FBXO41: variants seen among roughly 807,000 people sequenced by gnomAD.
The protein encoded by FBXO41 is F-box protein 41.
A neutral mutation model predicts 81.6 loss-of-function variants in FBXO41; 33 were observed. That is an observed-to-expected ratio of 0.40 (90% confidence interval 0.31 to 0.54). The LOEUF (loss-of-function observed/expected upper bound fraction) is 0.54, where lower values mean the gene tolerates loss of function less well. Among genes scored for constraint, FBXO41 ranks in the 20% least tolerant of loss-of-function variants. FBXO41 has a pLI of 0.39. For synonymous variants in FBXO41, 576 were observed against 552.7 expected, an observed-to-expected ratio of 1.04 and a Z score of -0.59; for missense variants, 1,107 against 1,236.0, an observed-to-expected ratio of 0.90 and a Z score of 1.56.
chr2:73,270,692 C>T, intron 1 of FBXO41: 1 of 443,070 alleles, frequency 2.3e-6, no homozygotes, highest in Non-Finnish European at 4.6e-6. Flanking sequence ...CCCCTTTTGG[C>T]ACAAGGTCCC....
chr2:73,265,901 C>T lies in FBXO41; in HGVS notation c.1197G>A (p.Pro399=), dbSNP rs563919305. Reference sequence around the variant, plus strand: ...CTGGGCCCAAGGCTTACCCTGTGCTCGGAGAGGAGCCATGCCGTGACACTG... The same window carrying T: ...CTGGGCCCAAGGCTTACCCTGTGCTTGGAGAGGAGCCATGCCGTGACACTG... ...TYAVSRHGSS[P]STGASSRVPA... Residue 399 remains proline, a synonymous_variant, in exon 4 of 13, where the codon CCG becomes CCA. Coordinates refer to ENST00000520530, the MANE Select transcript of FBXO41 (RefSeq NM_001371389.2). The T allele has an allele frequency of 1.8e-5, 29 of 1,584,980 alleles. No individual in the cohort carries two copies. The Admixed American group carries it at 2.0e-4, about 11-fold the overall frequency.
At chr2:73,264,086 AG>A in intron 6 of FBXO41, 33 bp from the exon 7 acceptor site, 1 of 1,564,372 alleles carries the variant, frequency 6.4e-7, no homozygotes, top group South Asian at 1.2e-5. Context: ...TTGGAGATGA[AG>A]GGGTCTGAAC....
chr2:73,263,608 C>T, intron 8 of FBXO41, 70 bp downstream of exon 8: 2 of 1,577,278 alleles, frequency 1.3e-6, no homozygotes, highest in Non-Finnish European at 1.7e-6. Context: ...GGAGGCTATG[C>T]AGCACCTAGG....
intron 6 of FBXO41, 92 bp from the exon 7 acceptor site, chr2:73,264,145 A>G (rs1029880297): frequency 3.2e-6 from 5 of 1,553,552 alleles, no homozygotes; most frequent in Non-Finnish European, 4.4e-6. Flanking sequence ...GCCCCATGAG[A>G]GCATTTCAGG....
At chr2:73,264,553 G>C in intron 5 of FBXO41, 34 bp from the exon 6 acceptor site, 1 of 1,610,964 alleles carries the variant, frequency 6.2e-7, no homozygotes, top group Non-Finnish European at 8.5e-7. Context: ...AGTGAGCGTG[G>C]AGGGTCAAGG....
At chr2:73,274,328 A>G (rs911747264) in intron 1 of FBXO41, among the ~76,000 whole-genome samples, 5 of 152,206 alleles carry the variant, frequency 3.3e-5, no homozygotes, top group Admixed American at 6.5e-5. Context: ...CCTGTGCACT[A>G]CTTTGCTCAT....
intron 7 of FBXO41, 41 bp from the exon 8 acceptor site, chr2:73,263,871 C>T (rs1688119595): frequency 2.5e-6 from 4 of 1,613,930 alleles, no homozygotes; most frequent in Middle Eastern, 3.3e-4. Context: ...CAACCTCCTC[C>T]TCTGGGAAAC....
At chr2:73,271,625 C>CCCA (rs1012479393) in intron 1 of FBXO41, 1 of 132,298 alleles carries the variant, frequency 7.6e-6, no homozygotes, top group Non-Finnish European at 1.7e-5. Flanking sequence ...TTCTGCACTC[C>CCCA]CCCCCCCCCA....
intron 7 of FBXO41, 21 bp downstream of exon 7, chr2:73,263,917 C>G: frequency 6.2e-7 from 1 of 1,613,116 alleles, no homozygotes; most frequent in Non-Finnish European, 8.5e-7. Context: ...GCACCCACCA[C>G]CCACCCATCG....
At position 73,263,238 on chromosome 2, in the gene FBXO41, G is replaced by A; in HGVS notation, c.2146C>T (p.Leu716Phe). 6.4e-7 allele frequency: 1 copy of A among 1,557,464 alleles called. No homozygotes were observed. The highest frequency in any genetic ancestry group is 8.7e-7 in the Non-Finnish European group (1 of 1,150,274). ...LGAGCREIVS[L>F]QVAPLHPCQQ... ...CAGGGGTGAAGTGGTGCCACTTGGA[G>A]GGAGACGATCTCTCTGCAGCCTGCG... The change falls in exon 9 of 13, where the codon CTC becomes TTC. Residue 716 changes from leucine (L) to phenylalanine (F), a missense_variant. Around this residue, in one of 2 missense-constraint regions of FBXO41, gnomAD observed 336 missense variants for 446.7 expected, o/e 0.75. Coordinates refer to ENST00000520530, the MANE Select transcript of FBXO41 (RefSeq NM_001371389.2).
intron 1 of FBXO41, among the ~76,000 whole-genome samples, chr2:73,273,756 A>G (rs1688608296): frequency 6.6e-6 from 1 of 152,198 alleles, no homozygotes; most frequent in Non-Finnish European, 1.5e-5. Flanking sequence ...TTGACCATTG[A>G]GAAGGGCTGC....
Position 73,264,265 on chromosome 2 carries a change from C to T in FBXO41, c.1806+13G>A. 6.2e-7 allele frequency: 1 copy of T among 1,613,106 alleles called. No homozygotes were observed. The highest frequency in any genetic ancestry group is 1.7e-5 in the Admixed American group (1 of 60,020). On this transcript the variant is annotated intron_variant, in intron 6 of 12. Coordinates refer to ENST00000520530, the MANE Select transcript of FBXO41 (RefSeq NM_001371389.2). ...TTCACAGCAGGGCACAGAAGGCAGG[C>T]AGGGGCAGGTACCTTGGAGCAGACA...
Position 73,266,030 on chromosome 2 carries a change from T to C in FBXO41, c.1132-64A>G, listed in dbSNP as rs1688261328. The stretch of plus-strand genomic sequence containing the variant: ...GAGGAGGCAAGAGGATGAGCAGGAA[T>C]AGCAGGGGAAACAGGGCAAAAGATG... On this transcript the variant is annotated intron_variant, in intron 3 of 12. Transcript: ENST00000520530. This position sits in a 1 kb window ranked among gnomAD's most constrained non-coding sequence, Gnocchi z 5.3. The C allele has an allele frequency of 6.9e-7, 1 of 1,441,180 alleles. No individual in the cohort carries two copies. The highest frequency in any genetic ancestry group is 9.5e-7 in the Non-Finnish European group (1 of 1,050,074). The allele number at this position is 1,441,180 out of a possible 1,614,324, so 89.3% of individuals were successfully genotyped here.
At position 73,265,521 on chromosome 2, in the gene FBXO41, G is replaced by C. The variant is rs778758673; in HGVS notation, c.1325C>G (p.Thr442Arg). The C allele has an allele frequency of 6.3e-7, 1 of 1,596,118 alleles. No individual in the cohort carries two copies. Among genetic ancestry groups the C allele is most frequent in the South Asian group, 1.1e-5 (1 of 89,004 alleles). The change falls in exon 5 of 13, where the codon ACA becomes AGA. Residue 442 changes from threonine (T) to arginine (R), a missense_variant. Physicochemically the swap from Thr to Arg is moderately conservative, Grantham distance 71. This residue lies in a region of FBXO41 where 771 missense variants were observed against 789.2 expected (regional missense o/e 0.98). Transcript: ENST00000520530. ...PEDSGPGGLGTRAQAANGGSE... is the reference protein window; with the variant it reads ...PEDSGPGGLGRRAQAANGGSE... ...GCCCCCGTTGGCAGCCTGGGCCCGT[G>C]TGCCCAAGCCCCCAGGGCCACTGTC...
In FBXO41 at chr2:73,260,654, C is replaced by T. The variant is rs1360591819; in HGVS notation, c.2290+86G>A. 3 of 1,525,490 alleles carry T rather than the reference C, an allele frequency of 2.0e-6. No individual in the cohort carries two copies. Among genetic ancestry groups the T allele is most frequent in the Non-Finnish European group, 8.8e-7 (1 of 1,130,316 alleles). The allele number at this position is 1,525,490 out of a possible 1,614,324, so 94.5% of individuals were successfully genotyped here. A position where few individuals can be genotyped will look rare whatever the true frequency, so the allele number is the denominator to read the frequency against. ...ACCTGCCACCACCCAGGCTGCAGCCCCAAGCCCCTGTGGGATTTCACAAGG... is the reference window on the plus strand; with the variant it reads ...ACCTGCCACCACCCAGGCTGCAGCCTCAAGCCCCTGTGGGATTTCACAAGG... On this transcript the variant is annotated intron_variant, in intron 10 of 12. Coordinates refer to ENST00000520530, the MANE Select transcript of FBXO41 (RefSeq NM_001371389.2). This position sits in a 1 kb window ranked among gnomAD's most constrained non-coding sequence, Gnocchi z 5.0.
At chr2:73,275,835 G>A (rs1688666739) in intron 1 of FBXO41, among the ~76,000 whole-genome samples, 1 of 152,010 alleles carries the variant, frequency 6.6e-6, no homozygotes, top group South Asian at 2.1e-4. Context: ...CTCTCAGGCT[G>A]GAGTGAAGTG....
chr2:73,269,642 C>A lies in FBXO41; in HGVS notation c.-12G>T. ...TCCAGCGAGGCCATGGCCCCGCCGC[C>A]CCCGCGGCACGCGGGCTCCACCGCG... is the stretch of plus-strand genomic sequence containing the variant. On this transcript the variant is annotated 5_prime_UTR_variant, in exon 2 of 13. Coordinates refer to ENST00000520530, the MANE Select transcript of FBXO41 (RefSeq NM_001371389.2). This position sits in a 1 kb window ranked among gnomAD's most constrained non-coding sequence, Gnocchi z 7.0. The A allele has an allele frequency of 8.5e-7, 1 of 1,181,102 alleles. No homozygotes were observed. The allele number at this position is 1,181,102 out of a possible 1,614,324, so 73.2% of individuals were successfully genotyped here.
rs961752718 is a variant in FBXO41 at position 73,266,259 on chromosome 2, C to T, written c.1131+198G>A. 2.0e-5 allele frequency among the ~76,000 whole-genome samples: 3 copies of T among 152,220 alleles called. No individual in the cohort carries two copies. Among genetic ancestry groups the T allele is most frequent in the African/African-American group, 7.2e-5 (3 of 41,456 alleles). The stretch of plus-strand genomic sequence containing the variant: ...GAGGGCTGGGGCCACCGAATCACAT[C>T]TCACTACAGCCTCGGGGGCTGGCAC... On this transcript the variant is annotated intron_variant, in intron 3 of 12. Coordinates refer to ENST00000520530, the MANE Select transcript of FBXO41 (RefSeq NM_001371389.2). This position sits in a 1 kb window ranked among gnomAD's most constrained non-coding sequence, Gnocchi z 5.3.
In FBXO41 at chr2:73,263,293, G is replaced by A. The variant is rs780446650; in HGVS notation, c.2091C>T (p.Pro697=). 25 of 1,537,818 alleles carry A rather than the reference G, an allele frequency of 1.6e-5. No homozygotes were observed. Among genetic ancestry groups the A allele is most frequent in the South Asian group, 9.9e-5 (8 of 81,204 alleles). Residue 697 remains proline (P), a synonymous_variant, in exon 9 of 13, where the codon CCC becomes CCT. Coordinates refer to ENST00000520530, the MANE Select transcript of FBXO41 (RefSeq NM_001371389.2). ...GGGCCCAAATGACCTCATGGCCCAC[G>A]GGGTCTGTGGCACTCCTGTGAAAAG... ...QAVTYRSATD[P]VGHEVIWALG... is the part of the protein sequence containing the mutation.
Sources: allele counts gnomAD v4.1 joint callset (sites outside exome capture counted in the v4.1 genomes callset), GRCh38; gene constraint gnomAD v4.1.1; regional missense constraint gnomAD v4.1.1; non-coding constraint Gnocchi (gnomAD v3.1); transcripts MANE v1.5; gene names NCBI Gene and HGNC (gene_info 2026-07-23, HGNC 2026-07-21).